MYO1E: variants seen among roughly 807,000 people sequenced by gnomAD.
MYO1E encodes the protein myosin IE, also known as unconventional myosin-Ie.
Under a neutral mutation model 151.1 loss-of-function variants are expected in MYO1E, and 68 were observed. The ratio of observed to expected loss-of-function variants is 0.45; its 90% confidence interval spans 0.37 to 0.55. The LOEUF is 0.55. MYO1E is among the 20% of genes least tolerant of loss of function. The probability of loss-of-function intolerance (pLI) is 0.00; values close to 1 mark genes in which losing one functional copy is unlikely to be tolerated. For missense variants in MYO1E, 1,363 were observed against 1,389.3 expected (o/e 0.98, Z 0.30); for synonymous variants, 601 against 501.7 (o/e 1.20, Z -2.64).
chr15:59,157,866 C>T (rs2079517502), intron 25 of MYO1E, among the ~76,000 whole-genome samples: 2 of 152,186 alleles, frequency 1.3e-5, no homozygotes, highest in Admixed American at 6.5e-5. Flanking sequence ...ATGCATCCCC[C>T]GAGGATAAGG....
intron 23 of MYO1E, among the ~76,000 whole-genome samples, chr15:59,161,636 G>A (rs1365593390): frequency 1.3e-5 from 2 of 152,188 alleles, no homozygotes; most frequent in African/African-American, 4.8e-5. Context: ...ACTGAGAGAT[G>A]CCAGACACAG....
intron 1 of MYO1E, among the ~76,000 whole-genome samples, chr15:59,340,674 A>T (rs1417725314): frequency 6.6e-6 from 1 of 152,224 alleles, no homozygotes; most frequent in East Asian, 1.9e-4. Context: ...TGTCCAAAGT[A>T]AAACTAACTT....
intron 1 of MYO1E, among the ~76,000 whole-genome samples, chr15:59,292,552 C>T (rs1266645026): frequency 6.6e-6 from 1 of 152,198 alleles, no homozygotes; most frequent in Non-Finnish European, 1.5e-5. Flanking sequence ...CCTTTCTATT[C>T]TGGTTTGCCC....
At chr15:59,365,454 G>T (rs899960641) in intron 1 of MYO1E, among the ~76,000 whole-genome samples, 7 of 152,126 alleles carry the variant, frequency 4.6e-5, no homozygotes, top group Non-Finnish European at 7.4e-5. Flanking sequence ...CCACTGTTTG[G>T]TAAGAAAAAC....
chr15:59,138,425 C>T lies in MYO1E; in HGVS notation c.3081-58G>A, dbSNP rs551894966. On this transcript the variant is annotated intron_variant, in intron 26 of 27. Transcript: ENST00000288235. ...CCCAACAGGGGGCAGCAGCACCGAA[C>T]GGTGGTTTGGAGCATGGCGGCCGGC... 57 of 1,596,848 alleles carry T rather than the reference C, an allele frequency of 3.6e-5. No homozygotes were observed. The South Asian group carries it at 5.1e-4, about 14-fold the overall frequency.
chr15:59,195,428 C>A, intron 17 of MYO1E, 33 bp downstream of exon 17: 1 of 1,564,816 alleles, frequency 6.4e-7, no homozygotes, highest in Non-Finnish European at 8.8e-7. Context: ...GGAAAAAGGT[C>A]CCGGCCCCAC....
chr15:59,268,163 C>T (rs1204269540), intron 2 of MYO1E, among the ~76,000 whole-genome samples: 1 of 152,148 alleles, frequency 6.6e-6, no homozygotes, highest in Non-Finnish European at 1.5e-5. Context: ...TATAATATTC[C>T]CTTAACATTG....
chr15:59,247,447 A>G (rs556673025), intron 4 of MYO1E, among the ~76,000 whole-genome samples: 1 of 152,360 alleles, frequency 6.6e-6, no homozygotes, highest in African/African-American at 2.4e-5. Flanking sequence ...AGGCTCTGCC[A>G]TCTACTAGTT....
At chr15:59,235,149 ATC>A (rs2080054713) in intron 5 of MYO1E, among the ~76,000 whole-genome samples, 1 of 151,814 alleles carries the variant, frequency 6.6e-6, no homozygotes, top group African/African-American at 2.4e-5. Context: ...ACACTCTTTA[ATC>A]TCTCTTTTTT....
At chr15:59,292,885 T>C (rs1342069543) in intron 1 of MYO1E, among the ~76,000 whole-genome samples, 3 of 152,166 alleles carry the variant, frequency 2.0e-5, no homozygotes, top group Non-Finnish European at 4.4e-5. Context: ...GGTGACCTTG[T>C]TGTATAAAGT....
chr15:59,371,900 C>T (rs2080947570), intron 1 of MYO1E, among the ~76,000 whole-genome samples: 2 of 150,994 alleles, frequency 1.3e-5, no homozygotes, highest in Admixed American at 1.3e-4. Context: ...CTCGCCCTAC[C>T]TGGCGCCCCC....
intron 1 of MYO1E, among the ~76,000 whole-genome samples, chr15:59,345,299 A>C (rs2080788149): frequency 6.6e-6 from 1 of 152,108 alleles, no homozygotes; most frequent in Non-Finnish European, 1.5e-5. Context: ...CAGAAGAAAT[A>C]CAGCATAAAA....
intron 1 of MYO1E, among the ~76,000 whole-genome samples, chr15:59,301,226 C>G (rs2080480797): frequency 6.6e-6 from 1 of 152,168 alleles, no homozygotes; most frequent in African/African-American, 2.4e-5. Context: ...TTAAAAATGT[C>G]TTCCTAATTA....
chr15:59,182,784 A>T (rs1438425123), intron 18 of MYO1E, among the ~76,000 whole-genome samples: 1 of 152,208 alleles, frequency 6.6e-6, no homozygotes, highest in South Asian at 2.1e-4. Flanking sequence ...CGGATAATCA[A>T]CAGAGTCAGT....
intron 1 of MYO1E, among the ~76,000 whole-genome samples, chr15:59,367,132 T>C (rs769483999): frequency 5.9e-5 from 9 of 152,154 alleles, no homozygotes; most frequent in African/African-American, 9.7e-5. Context: ...TTTCTGCTTG[T>C]TGAAGCAGAT....
intron 1 of MYO1E, among the ~76,000 whole-genome samples, chr15:59,338,781 C>T (rs184104923): frequency 1.3e-5 from 2 of 152,276 alleles, no homozygotes; most frequent in Admixed American, 1.3e-4. Context: ...AAACTACCTA[C>T]AAAGGTCTAT....
chr15:59,178,361 G>C, intron 19 of MYO1E, 32 bp downstream of exon 19: 2 of 1,613,134 alleles, frequency 1.2e-6, no homozygotes, highest in East Asian at 2.2e-5. Flanking sequence ...CCCGCGGGAG[G>C]GAAGAGAGTG....
chr15:59,321,282 A>G lies in MYO1E; in HGVS notation c.4-48833T>C, dbSNP rs570752068. On this transcript the variant is annotated intron_variant, in intron 1 of 27. Transcript: ENST00000288235. ...GTGGAAAGCAGCTGGGAGATTTCTC[A>G]AAGAACCTAAAACAGAACTATCATT... Among the ~76,000 whole-genome samples, 8 of 152,370 alleles carry G rather than the reference A, an allele frequency of 5.3e-5. No individual in the cohort carries two copies. The South Asian group carries it at 1.7e-3, about 32-fold the overall frequency.
intron 7 of MYO1E, among the ~76,000 whole-genome samples, chr15:59,226,854 G>A (rs146977609): frequency 1.3e-3 from 196 of 152,292 alleles, no homozygotes; most frequent in African/African-American, 4.5e-3. Context: ...GATGACTGCT[G>A]AAGCCTGTAA....
Sources: allele counts gnomAD v4.1 joint callset (sites outside exome capture counted in the v4.1 genomes callset), GRCh38; gene constraint gnomAD v4.1.1; transcripts MANE v1.5; gene names NCBI Gene and HGNC (gene_info 2026-07-23, HGNC 2026-07-21).